Variants in RPGRIP1 observed in about 807,000 individuals in gnomAD.
The protein encoded by RPGRIP1 is RPGR interacting protein 1, also known as X-linked retinitis pigmentosa GTPase regulator-interacting protein 1.
Under a neutral mutation model 157.9 loss-of-function variants are expected in RPGRIP1, and 128 were observed. The ratio of observed to expected loss-of-function variants is 0.81; its 90% confidence interval spans 0.70 to 0.94. The LOEUF (loss-of-function observed/expected upper bound fraction) is 0.94, where lower values mean the gene tolerates loss of function less well. Among genes scored for constraint, RPGRIP1 ranks in the 40% least tolerant of loss-of-function variants. The pLI, the probability that RPGRIP1 is intolerant of heterozygous loss-of-function variation, is 0.00. For synonymous variants in RPGRIP1, 554 were observed against 571.6 expected (o/e 0.97, Z 0.44); for missense variants, 1,486 against 1,545.8 (o/e 0.96, Z 0.65).
chr14:21,298,117 A>G (rs1335315326), intron 3 of RPGRIP1, among the ~76,000 whole-genome samples: 2 of 152,110 alleles, frequency 1.3e-5, no homozygotes, highest in East Asian at 3.8e-4. Flanking sequence ...GTCTGTAAGC[A>G]GACAAAATTA....
In RPGRIP1 at chr14:21,351,297, A is replaced by C. The variant is rs182458550; in HGVS notation, c.*81A>C. On this transcript the variant is annotated 3_prime_UTR_variant, in exon 25 of 25. Coordinates refer to ENST00000400017, the MANE Select transcript of RPGRIP1 (RefSeq NM_020366.4). ...TCTTATAAAGTTAGCTTGCTATAAC[A>C]TGAATTTGGTTTACTGTGATGTCTA... 3.6e-5 allele frequency: 30 copies of C among 828,890 alleles called. No homozygotes were observed. The Admixed American group carries it at 5.9e-4, about 16-fold the overall frequency. 51.3% of individuals were successfully genotyped at this position (828,890 alleles called of 1,614,324 possible).
intron 14 of RPGRIP1, among the ~76,000 whole-genome samples, chr14:21,323,076 T>G (rs1426982209): frequency 1.3e-5 from 2 of 152,182 alleles, no homozygotes. Context: ...AGGGCAGCCC[T>G]CTTTCGGGAA....
At chr14:21,348,425 T>A in intron 24 of RPGRIP1, 123 bp downstream of exon 24, 1 of 761,612 alleles carries the variant, frequency 1.3e-6, no homozygotes. Flanking sequence ...GATTGAAATC[T>A]TATCCCTACA....
intron 1 of RPGRIP1, among the ~76,000 whole-genome samples, chr14:21,281,735 A>AATAATAATCATCATC (rs949267854): frequency 6.8e-6 from 1 of 147,602 alleles, no homozygotes; most frequent in Non-Finnish European, 1.5e-5. Flanking sequence ...TAATAATAAT[A>AATAATAATCATCATC]ATCAGAGTAA....
intron 20 of RPGRIP1, 21 bp downstream of exon 20, chr14:21,330,408 T>G: frequency 7.0e-7 from 1 of 1,431,750 alleles, no homozygotes; most frequent in Non-Finnish European, 9.2e-7. Flanking sequence ...TTAAAATCTA[T>G]TTTTTTTCCT....
At chr14:21,288,638 C>T (rs1161562904) in intron 2 of RPGRIP1, among the ~76,000 whole-genome samples, 1 of 151,736 alleles carries the variant, frequency 6.6e-6, no homozygotes, top group Admixed American at 6.6e-5. Context: ...CCTCAGACTC[C>T]TGAGTAGCTG....
At chr14:21,348,688 T>C (rs1885819492) in intron 24 of RPGRIP1, among the ~76,000 whole-genome samples, 1 of 133,422 alleles carries the variant, frequency 7.5e-6, no homozygotes, top group African/African-American at 2.9e-5. Context: ...TTTTTTGAGA[T>C]GGAGCCTCAC....
intron 1 of RPGRIP1, among the ~76,000 whole-genome samples, chr14:21,286,828 AT>A: frequency 6.6e-6 from 1 of 151,936 alleles, no homozygotes; most frequent in Non-Finnish European, 1.5e-5. Context: ...GGAGACAAAA[AT>A]TTTGGAGACA....
intron 19 of RPGRIP1, among the ~76,000 whole-genome samples, chr14:21,329,600 C>T (rs1393843637): frequency 4.0e-5 from 6 of 148,934 alleles, no homozygotes; most frequent in African/African-American, 1.5e-4. Flanking sequence ...CTCCCAGGTT[C>T]AAGCAATTCT....
chr14:21,283,161 T>G (rs369144169), intron 1 of RPGRIP1, among the ~76,000 whole-genome samples: 1 of 152,296 alleles, frequency 6.6e-6, no homozygotes, highest in South Asian at 2.1e-4. Flanking sequence ...TACAGCTCCA[T>G]TTTTGCAAAT....
intron 14 of RPGRIP1, among the ~76,000 whole-genome samples, chr14:21,322,325 T>G (rs1288185276): frequency 6.6e-6 from 1 of 152,062 alleles, no homozygotes; most frequent in Non-Finnish European, 1.5e-5. Flanking sequence ...GCCTGGCTAA[T>G]TTTTTGTATT....
In RPGRIP1 at chr14:21,311,545, CAATAAATA is replaced by C. The variant is rs35635981; in HGVS notation, c.931-262_931-255del. ...CCTGGGCAACAGAGCGAGACTGTCT[CAATAAATA>C]AATAAATAAATAAATACAAGAAAAG... On this transcript the variant is annotated intron_variant, in intron 8 of 24. Coordinates refer to ENST00000400017, the MANE Select transcript of RPGRIP1 (RefSeq NM_020366.4). Among the ~76,000 whole-genome samples, 6 of 150,602 alleles carry C rather than the reference CAATAAATA, an allele frequency of 4.0e-5. 1 individual carries two copies. Among genetic ancestry groups the C allele is most frequent in the African/African-American group, 1.2e-4 (5 of 40,942 alleles).
At chr14:21,317,263 A>G (rs904778635) in intron 10 of RPGRIP1, among the ~76,000 whole-genome samples, 1 of 152,238 alleles carries the variant, frequency 6.6e-6, no homozygotes, top group Non-Finnish European at 1.5e-5. Flanking sequence ...ATAGTAATTT[A>G]TAATCTAGGT....
chr14:21,326,216 T>A (rs1377170406), intron 17 of RPGRIP1, 43 bp downstream of exon 17: 1 of 1,310,930 alleles, frequency 7.6e-7, no homozygotes, highest in Non-Finnish European at 1.1e-6. Flanking sequence ...CTCTTCCCAG[T>A]GTTGTCTCCC....
chr14:21,303,988 CAAAA>C (rs111950080), intron 6 of RPGRIP1, among the ~76,000 whole-genome samples: 68 of 129,484 alleles, frequency 5.3e-4, no homozygotes, highest in Admixed American at 1.3e-3. Context: ...AACTTGGTCT[CAAAA>C]AAAAAAAAAG....
chr14:21,282,255 T>A lies in RPGRIP1; in HGVS notation c.-39+2096T>A, dbSNP rs186559829. 4.6e-5 allele frequency among the ~76,000 whole-genome samples: 7 copies of A among 152,172 alleles called. No individual in the cohort carries two copies. The East Asian group carries it at 1.4e-3, about 29-fold the overall frequency. ...CACTGCAAGGAAATTTTTTTTTTTT[T>A]AAGACGGAGTCTTGCTCTGTCACCC... On this transcript the variant is annotated intron_variant, in intron 1 of 24. Transcript: ENST00000400017.
At position 21,296,102 on chromosome 14, in the gene RPGRIP1, A is replaced by AT. The variant is rs557240876; in HGVS notation, c.218+1309dup. On this transcript the variant is annotated intron_variant, in intron 3 of 24. Transcript: ENST00000400017. Reference sequence around the variant, plus strand: ...AGGCACACACCACCATGGCCAGCTAATTTTTTTTTTTTTTTTGGAGACGGA... The same window carrying AT: ...AGGCACACACCACCATGGCCAGCTAATTTTTTTTTTTTTTTTTGGAGACGGA... Among the ~76,000 whole-genome samples the AT allele has an allele frequency of 6.0e-3, 812 of 136,352 alleles. 1 individual carries two copies. Among genetic ancestry groups the AT allele is most frequent in the South Asian group, 0.021 (92 of 4,310 alleles). The allele number at this position is 136,352 out of a possible 152,430, so 89.5% of individuals were successfully genotyped here. A position where few individuals can be genotyped will look rare whatever the true frequency, so the allele number is the denominator to read the frequency against.
chr14:21,309,808 C>CT (rs1315550843), intron 7 of RPGRIP1, among the ~76,000 whole-genome samples: 1 of 147,012 alleles, frequency 6.8e-6, no homozygotes, highest in Non-Finnish European at 1.5e-5. Context: ...ATTATTTGAC[C>CT]TTTTTTAAAA....
chr14:21,345,513 G>T (rs45480792), intron 23 of RPGRIP1, among the ~76,000 whole-genome samples: 1 of 150,734 alleles, frequency 6.6e-6, no homozygotes, highest in Non-Finnish European at 1.5e-5. Context: ...AGGGATTCTT[G>T]TGCCTCTGCC....
Sources: allele counts gnomAD v4.1 joint callset (sites outside exome capture counted in the v4.1 genomes callset), GRCh38; gene constraint gnomAD v4.1.1; transcripts MANE v1.5; gene names NCBI Gene and HGNC (gene_info 2026-07-23, HGNC 2026-07-21).